Variants in CYP7B1 observed in about 807,000 individuals in gnomAD.
CYP7B1 encodes cytochrome P450 7B1.
CYP7B1 carries 29 observed loss-of-function variants against 42.7 expected under a neutral mutation model. The ratio of observed to expected loss-of-function variants is 0.68; its 90% CI spans 0.51 to 0.93. The LOEUF is 0.93. Ranked by LOEUF, CYP7B1 falls within the 40% of genes least tolerant of loss-of-function variation. The probability of loss-of-function intolerance (pLI) is 0.00; values close to 1 mark genes in which losing one functional copy is unlikely to be tolerated. For missense variants in CYP7B1, 655 were observed against 600.5 expected (o/e 1.09, Z -0.95); for synonymous variants, 235 against 218.2 (o/e 1.08, Z -0.68).
chr8:64,787,672 C>T (rs890079420), intron 1 of CYP7B1, among the ~76,000 whole-genome samples: 3 of 152,186 alleles, frequency 2.0e-5, no homozygotes, highest in Non-Finnish European at 2.9e-5. Flanking sequence ...CTATCTGTTA[C>T]CCAGTTCCAA....
At chr8:64,684,076 G>A (rs182807208) in intron 1 of CYP7B1, among the ~76,000 whole-genome samples, 1 of 152,194 alleles carries the variant, frequency 6.6e-6, no homozygotes, top group Non-Finnish European at 1.5e-5. Context: ...TACAGGGTAT[G>A]ATCTGTCTCG....
intron 1 of CYP7B1, among the ~76,000 whole-genome samples, chr8:64,633,550 T>C (rs1197971340): frequency 6.6e-6 from 1 of 152,176 alleles, no homozygotes; most frequent in African/African-American, 2.4e-5. Flanking sequence ...AAAAATTTAT[T>C]CTTAGGTATA....
chr8:64,685,080 C>T (rs1806599702), intron 1 of CYP7B1, among the ~76,000 whole-genome samples: 1 of 152,108 alleles, frequency 6.6e-6, no homozygotes, highest in Admixed American at 6.5e-5. Flanking sequence ...AGGTATATAC[C>T]CAAGAGAAAA....
downstream of CYP7B1, chr8:64,589,761 A>G (rs1805010931): frequency 6.6e-6 from 1 of 152,214 alleles, no homozygotes; most frequent in Non-Finnish European, 1.5e-5. Context: ...AAATGTTTAA[A>G]TTTGACTCAA....
intron 1 of CYP7B1, among the ~76,000 whole-genome samples, chr8:64,677,100 A>T (rs2129631836): frequency 6.6e-6 from 1 of 152,100 alleles, no homozygotes; most frequent in East Asian, 1.9e-4. Context: ...ATTTACACGA[A>T]CAATTTGAAT....
intron 1 of CYP7B1, among the ~76,000 whole-genome samples, chr8:64,731,920 G>A (rs113952617): frequency 6.6e-6 from 1 of 152,212 alleles, no homozygotes; most frequent in Admixed American, 6.5e-5. Context: ...GTGTACCAAA[G>A]TCAAGAACTG....
At chr8:64,664,257 C>A (rs919147563) in intron 1 of CYP7B1, among the ~76,000 whole-genome samples, 1 of 152,146 alleles carries the variant, frequency 6.6e-6, no homozygotes, top group Non-Finnish European at 1.5e-5. Flanking sequence ...TTTGAATAAT[C>A]CAGCCAACAG....
At chr8:64,637,778 G>A (rs975097343) in intron 1 of CYP7B1, among the ~76,000 whole-genome samples, 6 of 152,012 alleles carry the variant, frequency 3.9e-5, no homozygotes, top group South Asian at 2.1e-4. Context: ...TTTAGATAGC[G>A]TTCAATTGCT....
chr8:64,648,517 G>A, intron 1 of CYP7B1, among the ~76,000 whole-genome samples: 1 of 152,166 alleles, frequency 6.6e-6, no homozygotes. Flanking sequence ...CTCAACACAT[G>A]TCATTAACAC....
At chr8:64,761,450 A>G (rs912898862) in intron 1 of CYP7B1, among the ~76,000 whole-genome samples, 3 of 152,128 alleles carry the variant, frequency 2.0e-5, no homozygotes, top group African/African-American at 7.2e-5. Context: ...CACTTTAAAT[A>G]TATATAATTT....
At chr8:64,760,971 CAGAT>C (rs1373676554) in intron 1 of CYP7B1, among the ~76,000 whole-genome samples, 13 of 151,970 alleles carry the variant, frequency 8.6e-5, no homozygotes, top group Non-Finnish European at 1.9e-4. Context: ...AATGGATGAA[CAGAT>C]AAAGAAATTA....
chr8:64,733,688 C>T (rs1202302038), intron 1 of CYP7B1, among the ~76,000 whole-genome samples: 1 of 152,188 alleles, frequency 6.6e-6, no homozygotes, highest in Non-Finnish European at 1.5e-5. Context: ...AAAATCACTT[C>T]TGCCATGTGC....
At chr8:64,771,117 G>GT (rs1289332673) in intron 1 of CYP7B1, among the ~76,000 whole-genome samples, 8 of 128,860 alleles carry the variant, frequency 6.2e-5, no homozygotes, top group Non-Finnish European at 1.1e-4. Flanking sequence ...CTGGAGTGCA[G>GT]TGGCACAATC....
intron 1 of CYP7B1, among the ~76,000 whole-genome samples, chr8:64,744,363 C>CT (rs1446613928): frequency 6.7e-6 from 1 of 149,096 alleles, no homozygotes; most frequent in African/African-American, 2.5e-5. Flanking sequence ...TTTTTTTTTC[C>CT]TTTTCTCATT....
At chr8:64,653,084 A>G (rs1409719142) in intron 1 of CYP7B1, among the ~76,000 whole-genome samples, 1 of 152,186 alleles carries the variant, frequency 6.6e-6, no homozygotes, top group African/African-American at 2.4e-5. Context: ...ATCACAACTG[A>G]AAGAATTAGG....
chr8:64,741,690 T>G (rs1807571365), intron 1 of CYP7B1, among the ~76,000 whole-genome samples: 1 of 152,198 alleles, frequency 6.6e-6, no homozygotes, highest in Non-Finnish European at 1.5e-5. Context: ...AACAGGAAAT[T>G]ACTCTCATAC....
chr8:64,786,959 C>G (rs749743318), intron 1 of CYP7B1, among the ~76,000 whole-genome samples: 6 of 152,254 alleles, frequency 3.9e-5, no homozygotes, highest in Non-Finnish European at 7.3e-5. Context: ...CCCTCTGAAG[C>G]AATGGCCCTA....
intron 5 of CYP7B1, among the ~76,000 whole-genome samples, chr8:64,600,424 G>A (rs1352992592): frequency 6.6e-6 from 1 of 152,122 alleles, no homozygotes; most frequent in Non-Finnish European, 1.5e-5. Flanking sequence ...ATCATGTCTT[G>A]AATCCACTCA....
chr8:64,657,879 T>A (rs79683960), intron 1 of CYP7B1, among the ~76,000 whole-genome samples: 8,405 of 152,272 alleles, frequency 0.055, 351 homozygotes, highest in South Asian at 0.16. Context: ...TCTGCTATAA[T>A]GAAATACAAA....
Sources: gnomAD v4.1 joint callset for allele counts (sites outside exome capture counted in the v4.1 genomes callset) on GRCh38, gnomAD v4.1.1 for gene constraint, MANE v1.5 for transcripts, NCBI Gene and HGNC (gene_info 2026-07-23, HGNC 2026-07-21) for gene names.